Variants in SETBP1 observed in about 807,000 individuals in gnomAD.
SETBP1 encodes SET binding protein 1.
Under a neutral mutation model 101.0 loss-of-function variants are expected in SETBP1, and 9 were observed. The ratio of observed to expected loss-of-function variants is 0.09; its 90% CI spans 0.05 to 0.16. The LOEUF is 0.16. SETBP1 is among the 10% of genes least tolerant of loss of function. The probability of loss-of-function intolerance (pLI) is 1.00; values close to 1 mark genes in which losing one functional copy is unlikely to be tolerated. For synonymous variants in SETBP1, 818 were observed against 788.5 expected (o/e 1.04, Z -0.63); for missense variants, 1,858 against 2,033.8 (o/e 0.91, Z 1.66).
intron 4 of SETBP1, among the ~76,000 whole-genome samples, chr18:44,971,365 T>C (rs1287623691): frequency 6.6e-6 from 1 of 152,140 alleles, no homozygotes; most frequent in East Asian, 1.9e-4. Context: ...TAGCAGCATG[T>C]TTTATAATCC....
At chr18:44,966,370 T>G (rs1370444104) in intron 4 of SETBP1, among the ~76,000 whole-genome samples, 1 of 152,206 alleles carries the variant, frequency 6.6e-6, no homozygotes, top group Non-Finnish European at 1.5e-5. Context: ...GGCTTCTTCA[T>G]GTAAAACTTC....
chr18:44,697,646 G>A (rs894714436), intron 1 of SETBP1, among the ~76,000 whole-genome samples: 8 of 152,262 alleles, frequency 5.3e-5, no homozygotes, highest in Non-Finnish European at 1.2e-4. Context: ...CTCAACCTGA[G>A]GCTGAGCTGC....
chr18:44,802,967 TGTG>T (rs2071639292), intron 2 of SETBP1, among the ~76,000 whole-genome samples: 1 of 152,150 alleles, frequency 6.6e-6, no homozygotes, highest in Admixed American at 6.5e-5. Flanking sequence ...TAGGTATTTC[TGTG>T]GGTCATTTGG....
At chr18:44,846,156 C>G (rs533247133) in intron 2 of SETBP1, among the ~76,000 whole-genome samples, 1 of 152,318 alleles carries the variant, frequency 6.6e-6, no homozygotes, top group Non-Finnish European at 1.5e-5. Flanking sequence ...GAAGTAACAA[C>G]AGTGGTTCTT....
chr18:44,721,509 C>G (rs906460021), intron 2 of SETBP1, among the ~76,000 whole-genome samples: 1 of 151,650 alleles, frequency 6.6e-6, no homozygotes, highest in Non-Finnish European at 1.5e-5. Context: ...TATTCTTTGC[C>G]ACTCATTTCT....
rs1324630139 is a variant in SETBP1, at chr18:44,952,386, A to G, written c.3046A>G (p.Lys1016Glu). The G allele has an allele frequency of 6.2e-7, 1 of 1,614,056 alleles. No homozygotes were observed. Among genetic ancestry groups the G allele is most frequent in the Non-Finnish European group, 8.5e-7 (1 of 1,180,044 alleles). Reference sequence around the variant, plus strand: ...TCGTAGGACTTCAGACTTGAAGTCAAAGAAGAAGCGTGGTAGGCCTGCAAA... The same window carrying G: ...TCGTAGGACTTCAGACTTGAAGTCAGAGAAGAAGCGTGGTAGGCCTGCAAA... Reference protein sequence around the residue: ...YLRRTSDLKSKKKRGRPAKTN... With the variant: ...YLRRTSDLKSEKKRGRPAKTN... Residue 1016 changes from lysine (K) to glutamate (E), a missense_variant, in exon 4 of 6, where the codon AAG becomes GAG. This residue lies in a region of SETBP1 where 255 missense variants were observed against 300.1 expected (regional missense o/e 0.85). Coordinates refer to ENST00000649279, the MANE Select transcript of SETBP1 (RefSeq NM_015559.3).
chr18:44,866,037 C>T (rs754724225), intron 2 of SETBP1, among the ~76,000 whole-genome samples: 2 of 152,210 alleles, frequency 1.3e-5, no homozygotes, highest in Non-Finnish European at 2.9e-5. Flanking sequence ...GCCCATTTAA[C>T]ATTTTACTGT....
chr18:44,795,125 G>A (rs561397650), intron 2 of SETBP1, among the ~76,000 whole-genome samples: 1 of 152,286 alleles, frequency 6.6e-6, no homozygotes, highest in South Asian at 2.1e-4. Context: ...GGATGTTATT[G>A]TGAATAAGGT....
At chr18:45,021,224 C>T (rs1356626233) in intron 4 of SETBP1, among the ~76,000 whole-genome samples, 2 of 152,158 alleles carry the variant, frequency 1.3e-5, no homozygotes, top group Non-Finnish European at 2.9e-5. Context: ...TTAAACAAGG[C>T]ATGAAATTTG....
intron 2 of SETBP1, among the ~76,000 whole-genome samples, chr18:44,747,135 A>G (rs2070273101): frequency 6.6e-6 from 1 of 152,200 alleles, no homozygotes; most frequent in Non-Finnish European, 1.5e-5. Context: ...CATCAATCAT[A>G]TCTACTCTGA....
intron 2 of SETBP1, among the ~76,000 whole-genome samples, chr18:44,783,704 T>C (rs1002942649): frequency 6.6e-6 from 1 of 152,198 alleles, no homozygotes; most frequent in Non-Finnish European, 1.5e-5. Flanking sequence ...TCCTATAATA[T>C]AGGGATGGAA....
chr18:44,757,970 C>T (rs893191282), intron 2 of SETBP1, among the ~76,000 whole-genome samples: 5 of 152,132 alleles, frequency 3.3e-5, no homozygotes, highest in African/African-American at 1.2e-4. Flanking sequence ...TGTTTCTGAC[C>T]GTTCCATTTC....
chr18:44,712,803 C>T (rs1480071247), intron 2 of SETBP1, among the ~76,000 whole-genome samples: 1 of 152,082 alleles, frequency 6.6e-6, no homozygotes, highest in African/African-American at 2.4e-5. Flanking sequence ...AGGTGAGAAT[C>T]AGGCATCTGG....
chr18:44,993,439 A>T (rs141513116), intron 4 of SETBP1, among the ~76,000 whole-genome samples: 7 of 152,196 alleles, frequency 4.6e-5, no homozygotes, highest in African/African-American at 1.4e-4. Context: ...AAAATTAATA[A>T]AAGTATAAGA....
chr18:44,923,226 T>G (rs534238320), intron 3 of SETBP1, among the ~76,000 whole-genome samples: 3 of 152,310 alleles, frequency 2.0e-5, no homozygotes, highest in African/African-American at 7.2e-5. Flanking sequence ...TCTGGGCATT[T>G]GAAGAACATG....
chr18:44,786,984 A>T (rs2071252821), intron 2 of SETBP1, among the ~76,000 whole-genome samples: 1 of 152,226 alleles, frequency 6.6e-6, no homozygotes, highest in Admixed American at 6.5e-5. Context: ...GAGACGAAAG[A>T]TGCTTTGGGT....
chr18:44,695,822 A>G (rs1280049289), intron 1 of SETBP1, among the ~76,000 whole-genome samples: 1 of 152,220 alleles, frequency 6.6e-6, no homozygotes, highest in Non-Finnish European at 1.5e-5. Context: ...TTTAAAAAGT[A>G]AAAATAATAA....
At chr18:44,844,352 C>T (rs879363668) in intron 2 of SETBP1, among the ~76,000 whole-genome samples, 56 of 117,428 alleles carry the variant, frequency 4.8e-4, no homozygotes, top group Admixed American at 2.1e-3. Context: ...CACACACGCG[C>T]GCACACACAC....
intron 2 of SETBP1, among the ~76,000 whole-genome samples, chr18:44,727,998 C>T (rs906605137): frequency 7.2e-5 from 11 of 152,276 alleles, no homozygotes; most frequent in African/African-American, 2.6e-4. Context: ...TACCATTTAT[C>T]CCCTGTTTGC....
Sources: gnomAD v4.1 joint callset for allele counts (sites outside exome capture counted in the v4.1 genomes callset) on GRCh38, gnomAD v4.1.1 for gene constraint, gnomAD v4.1.1 regional missense constraint, MANE v1.5 for transcripts, NCBI Gene and HGNC (gene_info 2026-07-23, HGNC 2026-07-21) for gene names.